Variants in SPATA21 observed in about 807,000 individuals in gnomAD.
SPATA21 encodes the protein spermatogenesis associated 21, also known as spermatogenesis-associated protein 21.
SPATA21 carries 47 observed loss-of-function variants against 54.8 expected under a neutral mutation model. The observed-to-expected ratio is 0.86, with a 90% CI of 0.68 to 1.09. SPATA21 has a LOEUF of 1.09. Among genes scored for constraint, SPATA21 ranks in the 50% least tolerant of loss-of-function variants. SPATA21 has a pLI of 0.00. For missense variants in SPATA21, 599 were observed against 596.4 expected (o/e 1.00, Z -0.05); for synonymous variants, 245 against 235.3 (o/e 1.04, Z -0.38).
At chr1:16,403,177 G>T (rs1441550883) in intron 10 of SPATA21, among the ~76,000 whole-genome samples, 1 of 152,132 alleles carries the variant, frequency 6.6e-6, no homozygotes, top group Non-Finnish European at 1.5e-5. Flanking sequence ...GGAGGCTTTT[G>T]TGTCTTCTGA....
At chr1:16,410,113 A>G in intron 5 of SPATA21, 70 bp from the exon 6 acceptor site, 2 of 1,293,994 alleles carry the variant, frequency 1.5e-6, no homozygotes, top group Non-Finnish European at 2.1e-6. Flanking sequence ...CCTCCCTGCC[A>G]TCCCCTCTCC....
chr1:16,407,327 G>T (rs1435383585), intron 7 of SPATA21, among the ~76,000 whole-genome samples: 1 of 152,192 alleles, frequency 6.6e-6, no homozygotes, highest in Non-Finnish European at 1.5e-5. Context: ...ACCAGACAGG[G>T]ATTGGGAGCT....
At chr1:16,403,913 C>T (rs545634432) in intron 9 of SPATA21, 55 bp downstream of exon 9, 1 of 1,613,220 alleles carries the variant, frequency 6.2e-7, no homozygotes, top group African/African-American at 1.3e-5. Flanking sequence ...CTCCCCGCAA[C>T]CAACCTCCCA....
intron 3 of SPATA21, among the ~76,000 whole-genome samples, chr1:16,427,172 C>G (rs1193080463): frequency 6.6e-6 from 1 of 151,984 alleles, no homozygotes; most frequent in Non-Finnish European, 1.5e-5. Flanking sequence ...AGTTTCAAGG[C>G]AGTTTAAACA....
intron 3 of SPATA21, chr1:16,425,734 G>A (rs1006822479): frequency 4.5e-5 from 70 of 1,546,512 alleles, no homozygotes; most frequent in Admixed American, 1.8e-4. Flanking sequence ...GTTTCTTCCT[G>A]GGGAAAATAG....
At chr1:16,431,732 G>A (rs114210192) in intron 2 of SPATA21, among the ~76,000 whole-genome samples, 470 of 152,266 alleles carry the variant, frequency 3.1e-3, no homozygotes, top group Non-Finnish European at 4.2e-3. Context: ...AAACCCAGGC[G>A]CTTTCCCCGA....
At chr1:16,417,124 C>G (rs922127835) in intron 5 of SPATA21, among the ~76,000 whole-genome samples, 10 of 152,250 alleles carry the variant, frequency 6.6e-5, no homozygotes, top group Non-Finnish European at 1.3e-4. Flanking sequence ...TTCAGCCGCT[C>G]TGTCCATTGT....
At chr1:16,415,080 T>C (rs2085962464) in intron 5 of SPATA21, among the ~76,000 whole-genome samples, 1 of 152,126 alleles carries the variant, frequency 6.6e-6, no homozygotes, top group Admixed American at 6.6e-5. Context: ...CTCATGCCTG[T>C]AATCCTAACA....
downstream of SPATA21, chr1:16,398,064 C>T: frequency 2.3e-6 from 2 of 888,008 alleles, no homozygotes; most frequent in Non-Finnish European, 2.7e-6. Context: ...CCACTCCCAC[C>T]CCACCCTGCA....
chr1:16,397,601 G>C (rs1191028935), downstream of SPATA21: 1 of 152,304 alleles, frequency 6.6e-6, no homozygotes, highest in Admixed American at 6.5e-5. This position sits in a 1 kb window ranked among gnomAD's most constrained non-coding sequence, Gnocchi z 5.4. Flanking sequence ...GCTCCTCCCT[G>C]ACCCCATGGG....
chr1:16,409,056 T>A lies in SPATA21; in HGVS notation c.673+62A>T, dbSNP rs895007140. 1.2e-5 allele frequency: 19 copies of A among 1,580,034 alleles called. No individual in the cohort carries two copies. Among genetic ancestry groups the A allele is most frequent in the Non-Finnish European group, 1.6e-5 (18 of 1,150,360 alleles). On this transcript the variant is annotated intron_variant, in intron 7 of 12. Transcript: ENST00000335496. This position sits in a 1 kb window ranked among gnomAD's most constrained non-coding sequence, Gnocchi z 4.1. Reference sequence around the variant, plus strand: ...AGCACCCCAGTCCGCCCTGCGCCTATAAACCCCCAAGGACCAAGGGTCCTG... The same window carrying A: ...AGCACCCCAGTCCGCCCTGCGCCTAAAAACCCCCAAGGACCAAGGGTCCTG...
At chr1:16,412,546 G>T (rs1039755187) in intron 5 of SPATA21, among the ~76,000 whole-genome samples, 2 of 149,616 alleles carry the variant, frequency 1.3e-5, no homozygotes, top group East Asian at 4.1e-4. Flanking sequence ...CACTGCAACC[G>T]CTGCCTCCCG....
chr1:16,421,604 G>C lies in SPATA21; in HGVS notation c.96-47C>G. The C allele has an allele frequency of 6.3e-7, 1 of 1,581,822 alleles. No individual in the cohort carries two copies. The highest frequency in any genetic ancestry group is 2.3e-5 in the East Asian group (1 of 44,164). On this transcript the variant is annotated intron_variant, in intron 4 of 12. Coordinates refer to ENST00000335496, the MANE Select transcript of SPATA21 (RefSeq NM_198546.1). This position sits in a 1 kb window ranked among gnomAD's most constrained non-coding sequence, Gnocchi z 5.2. The stretch of plus-strand genomic sequence containing the variant: ...AGGTGGGGGAAGCGCTCAGCTGAAG[G>C]TTTGCCCCCCTGCCCTCCCCTCTCA...
chr1:16,411,753 G>C (rs2085851762), intron 5 of SPATA21, among the ~76,000 whole-genome samples: 1 of 139,438 alleles, frequency 7.2e-6, no homozygotes, highest in African/African-American at 2.7e-5. Context: ...CCGCGCCATT[G>C]CACTCCAGCC....
Position 16,421,008 on chromosome 1 carries a change from C to A in SPATA21, c.144+501G>T, listed in dbSNP as rs116216662. On this transcript the variant is annotated intron_variant, in intron 5 of 12. Coordinates refer to ENST00000335496, the MANE Select transcript of SPATA21 (RefSeq NM_198546.1). The surrounding 1 kb of genome is among the most constrained non-coding windows in gnomAD (Gnocchi z 5.2). ...GCCAGGGTGGGGTTTTGCCAATGAA[C>A]AGAACAGGATGAGACAGGGCAGATG... Among the ~76,000 whole-genome samples, 2 of 152,028 alleles carry A rather than the reference C, an allele frequency of 1.3e-5. No homozygotes were observed. Among genetic ancestry groups the A allele is most frequent in the African/African-American group, 4.8e-5 (2 of 41,376 alleles).
intron 3 of SPATA21, among the ~76,000 whole-genome samples, chr1:16,424,234 A>T (rs1570191625): frequency 1.8e-3 from 3 of 1,644 alleles, no homozygotes; most frequent in Admixed American, 6.8e-3. Context: ...AATGGCATGA[A>T]CCTGGGAGGC....
intron 5 of SPATA21, among the ~76,000 whole-genome samples, chr1:16,419,512 A>G (rs889463879): frequency 6.6e-6 from 1 of 152,212 alleles, no homozygotes; most frequent in Non-Finnish European, 1.5e-5. Context: ...GCTGGGTTGC[A>G]TGAGCCCCTT....
At chr1:16,433,044 CATCAT>C (rs1327227948) in intron 1 of SPATA21, 120 bp from the exon 2 acceptor site, 1 of 152,268 alleles carries the variant, frequency 6.6e-6, no homozygotes, top group African/African-American at 2.4e-5. Context: ...CCACTCATCT[CATCAT>C]ATCATTTTGC....
intron 3 of SPATA21, among the ~76,000 whole-genome samples, chr1:16,427,495 C>T (rs2086353443): frequency 6.6e-6 from 1 of 152,112 alleles, no homozygotes; most frequent in Non-Finnish European, 1.5e-5. Flanking sequence ...ACGTGTACAT[C>T]TTTACATGTT....
Sources: gnomAD v4.1 joint callset for allele counts (sites outside exome capture counted in the v4.1 genomes callset) on GRCh38, gnomAD v4.1.1 for gene constraint, Gnocchi (gnomAD v3.1) non-coding constraint, MANE v1.5 for transcripts, NCBI Gene and HGNC (gene_info 2026-07-23, HGNC 2026-07-21) for gene names.